The following CIB2 variants were observed in gnomAD, a reference collection of about 807,000 sequenced individuals.
CIB2 encodes calcium and integrin binding family member 2.
In CIB2, 19 loss-of-function variants were observed where a neutral mutation model predicts 23.1. That is an observed-to-expected ratio of 0.82 (90% confidence interval 0.57 to 1.21). The LOEUF (loss-of-function observed/expected upper bound fraction) is 1.21, where lower values mean the gene tolerates loss of function less well. Among genes scored for constraint, CIB2 ranks in the 50% most tolerant of loss-of-function variants. CIB2 has a pLI of 0.00. For missense variants in CIB2, 220 were observed against 241.5 expected, an observed-to-expected ratio of 0.91 and a Z score of 0.59; for synonymous variants, 94 against 91.7, an observed-to-expected ratio of 1.03 and a Z score of -0.14.
chr15:78,105,356 G>C, intron 5 of CIB2, 24 bp from the exon 6 acceptor site: 1 of 1,613,808 alleles, frequency 6.2e-7, no homozygotes, highest in Non-Finnish European at 8.5e-7. Context: ...AAGGGCAAGA[G>C]AGGGTGAGAG....
intron 1 of CIB2, among the ~76,000 whole-genome samples, chr15:78,130,042 C>G (rs1269779422): frequency 3.9e-5 from 6 of 152,100 alleles, no homozygotes; most frequent in African/African-American, 1.4e-4. Flanking sequence ...TTACCTTCAC[C>G]CACATCAGAG....
intron 1 of CIB2, among the ~76,000 whole-genome samples, chr15:78,127,184 G>T (rs886341354): frequency 6.6e-6 from 1 of 152,196 alleles, no homozygotes; most frequent in Non-Finnish European, 1.5e-5. Context: ...CCCAGAGTCG[G>T]TAGCTCTGCT....
intron 5 of CIB2, 84 bp downstream of exon 5, chr15:78,105,655 T>C: frequency 6.2e-7 from 1 of 1,603,930 alleles, no homozygotes. Flanking sequence ...TGCTCACAAA[T>C]AGCGAGTGAT....
At chr15:78,123,784 A>C in intron 1 of CIB2, 45 bp from the exon 2 acceptor site, 1 of 1,612,744 alleles carries the variant, frequency 6.2e-7, no homozygotes, top group Non-Finnish European at 8.5e-7. Flanking sequence ...TGCGGCTCCC[A>C]GACTTTCTTC....
chr15:78,108,201 C>CAAAAA (rs5813898), intron 4 of CIB2, among the ~76,000 whole-genome samples: 4 of 105,474 alleles, frequency 3.8e-5, no homozygotes, highest in Non-Finnish European at 7.9e-5. Flanking sequence ...GACTCTGTCT[C>CAAAAA]AAAAAAAAAA....
rs1181524714 is a variant in CIB2 at position 78,116,938 on chromosome 15, T to A, written c.87-5662A>T. Among the ~76,000 whole-genome samples the A allele has an allele frequency of 6.3e-5, 9 of 143,772 alleles. 1 individual carries two copies. Among genetic ancestry groups the A allele is most frequent in the Admixed American group, 5.5e-4 (8 of 14,466 alleles). 94.3% of individuals were successfully genotyped at this position (143,772 alleles called of 152,430 possible). ...TATAATTTTTTTTAATTAAAAAAAA[T>A]GAATTCACAATTTAAAAGAACCAAA... On this transcript the variant is annotated intron_variant, in intron 2 of 5. Transcript: ENST00000258930.
At chr15:78,122,226 G>A (rs1399449507) in intron 2 of CIB2, among the ~76,000 whole-genome samples, 2 of 152,226 alleles carry the variant, frequency 1.3e-5, no homozygotes, top group Non-Finnish European at 2.9e-5. Flanking sequence ...GATGATTCTG[G>A]AGTTGGGTCT....
intron 2 of CIB2, among the ~76,000 whole-genome samples, chr15:78,113,881 C>G (rs1323471254): frequency 6.6e-6 from 1 of 152,200 alleles, no homozygotes; most frequent in Non-Finnish European, 1.5e-5. Context: ...ACATTTCCCA[C>G]TTGACCTTGA....
rs778351072 is a variant in CIB2, at chr15:78,123,788, T to A, written c.52-49A>T. ...CACAGTCAGTGTGCGGCTCCCAGAC[T>A]TTCTTCCTCAGAGGCCTCGATGCCA... On this transcript the variant is annotated intron_variant, in intron 1 of 5. Coordinates refer to ENST00000258930, the MANE Select transcript of CIB2 (RefSeq NM_006383.4). The A allele has an allele frequency of 1.9e-6, 3 of 1,611,278 alleles. No homozygotes were observed. The Admixed American group carries it at 5.0e-5, about 27-fold the overall frequency.
intron 2 of CIB2, 57 bp from the exon 3 acceptor site, chr15:78,111,333 GC>G (rs2074156284): frequency 2.1e-6 from 3 of 1,402,922 alleles, no homozygotes; most frequent in Admixed American, 3.6e-5. Context: ...AGCCCCAGCA[GC>G]CCGGTGCTGT....
chr15:78,125,858 G>A (rs567927807), intron 1 of CIB2, among the ~76,000 whole-genome samples: 88 of 152,252 alleles, frequency 5.8e-4, no homozygotes, highest in South Asian at 1.9e-3. Flanking sequence ...ATGGATCCAG[G>A]CATTGGCTGT....
chr15:78,111,342 T>C, intron 2 of CIB2, 66 bp from the exon 3 acceptor site: 11 of 1,341,408 alleles, frequency 8.2e-6, no homozygotes, highest in South Asian at 7.7e-5. Context: ...AGCCCGGTGC[T>C]GTCCTGCCTA....
intron 2 of CIB2, chr15:78,120,730 C>T (rs1206350619): frequency 1.0e-6 from 1 of 985,476 alleles, no homozygotes; most frequent in Non-Finnish European, 1.2e-6. Flanking sequence ...ATCACTGCCC[C>T]AAAGTTGCCA....
chr15:78,123,102 C>T (rs1480299357), intron 2 of CIB2, among the ~76,000 whole-genome samples: 2 of 152,114 alleles, frequency 1.3e-5, no homozygotes, highest in African/African-American at 2.4e-5. Context: ...CATCCAGGTC[C>T]ACCCCCACCC....
intron 2 of CIB2, among the ~76,000 whole-genome samples, chr15:78,116,362 G>A (rs2141900366): frequency 6.6e-6 from 1 of 151,984 alleles, no homozygotes; most frequent in East Asian, 1.9e-4. Context: ...AGCTACTTGG[G>A]AGGCAGAGGT....
intron 2 of CIB2, among the ~76,000 whole-genome samples, chr15:78,117,358 A>G (rs2074256431): frequency 6.6e-6 from 1 of 151,730 alleles, no homozygotes; most frequent in Non-Finnish European, 1.5e-5. Context: ...TTTCCCTATC[A>G]GGTATTAAAA....
intron 3 of CIB2, 37 bp downstream of exon 3, chr15:78,111,128 A>C (rs1414531089): frequency 6.3e-7 from 1 of 1,578,440 alleles, no homozygotes; most frequent in African/African-American, 1.3e-5. Context: ...CCAGAGGCAC[A>C]GATCCCCTGC....
Position 78,105,534 on chromosome 15 carries a change from T to G in CIB2, c.543-202A>C, listed in dbSNP as rs1285255264. 2.7e-6 allele frequency: 4 copies of G among 1,479,984 alleles called. No homozygotes were observed. In the African/African-American group the frequency reaches 5.6e-5, roughly 21 times the overall value. 91.7% of individuals were successfully genotyped at this position (1,479,984 alleles called of 1,614,324 possible). ...AGGGAGTTCTGCCCCCACTTATCAC[T>G]GAAGGGGCCCCCAGGTCTTCAACCT... is the stretch of plus-strand genomic sequence containing the variant. On this transcript the variant is annotated intron_variant, in intron 5 of 5. Transcript: ENST00000258930.
At chr15:78,125,256 A>C (rs2074367018) in intron 1 of CIB2, among the ~76,000 whole-genome samples, 1 of 152,166 alleles carries the variant, frequency 6.6e-6, no homozygotes, top group African/African-American at 2.4e-5. Flanking sequence ...AAACTCCAGA[A>C]ACATGGTGCA....
Sources: gnomAD v4.1 joint callset for allele counts (sites outside exome capture counted in the v4.1 genomes callset) on GRCh38, gnomAD v4.1.1 for gene constraint, MANE v1.5 for transcripts, NCBI Gene and HGNC (gene_info 2026-07-23, HGNC 2026-07-21) for gene names.